The following GABRB1 variants were observed in gnomAD, a reference collection of about 807,000 sequenced individuals.
GABRB1 encodes gamma-aminobutyric acid type A receptor subunit beta1, also known as gamma-aminobutyric acid receptor subunit beta-1.
Under a neutral mutation model 51.6 loss-of-function variants are expected in GABRB1, and 17 were observed. That is an observed-to-expected ratio of 0.33 (90% CI 0.23 to 0.49). GABRB1 has a LOEUF of 0.49. Ranked by LOEUF, GABRB1 falls within the 20% of genes least tolerant of loss-of-function variation. GABRB1 has a pLI of 0.99. For missense variants in GABRB1, 410 were observed against 600.6 expected, an observed-to-expected ratio of 0.68 and a Z score of 3.32; for synonymous variants, 247 against 218.9, an observed-to-expected ratio of 1.13 and a Z score of -1.14.
intron 4 of GABRB1, among the ~76,000 whole-genome samples, chr4:47,178,712 A>G (rs1718807706): frequency 6.6e-6 from 1 of 152,156 alleles, no homozygotes; most frequent in African/African-American, 2.4e-5. Flanking sequence ...GAGTCTTTGA[A>G]GATCAGCCTT....
At chr4:47,142,124 G>A (rs1716964666) in intron 3 of GABRB1, among the ~76,000 whole-genome samples, 1 of 151,830 alleles carries the variant, frequency 6.6e-6, no homozygotes, top group African/African-American at 2.4e-5. Flanking sequence ...ATAAAGGTAA[G>A]CCGAGGGTGC....
At chr4:47,218,155 A>G (rs1720629745) in intron 4 of GABRB1, among the ~76,000 whole-genome samples, 1 of 151,830 alleles carries the variant, frequency 6.6e-6, no homozygotes, top group African/African-American at 2.4e-5. Flanking sequence ...TGTTGCTGCA[A>G]ATGACAGGAT....
intron 4 of GABRB1, among the ~76,000 whole-genome samples, chr4:47,175,019 T>G (rs1376817462): frequency 2.2e-5 from 3 of 137,918 alleles, no homozygotes; most frequent in Non-Finnish European, 4.8e-5. Flanking sequence ...TCTTCCTTCT[T>G]TCTTCCTTCC....
intron 5 of GABRB1, among the ~76,000 whole-genome samples, chr4:47,339,823 G>GCACACACA (rs150988131): frequency 0.035 from 5,000 of 141,900 alleles, 102 homozygotes; most frequent in Middle Eastern, 0.063. Context: ...ATAAATAAAT[G>GCACACACA]CACACACACA....
intron 4 of GABRB1, among the ~76,000 whole-genome samples, chr4:47,287,817 A>G (rs541583057): frequency 6.6e-6 from 1 of 152,328 alleles, no homozygotes; most frequent in African/African-American, 2.4e-5. Context: ...ACATGCCTAT[A>G]TGACAAGAAA....
chr4:47,057,363 T>G (rs1362723835), intron 3 of GABRB1, among the ~76,000 whole-genome samples: 1 of 152,220 alleles, frequency 6.6e-6, no homozygotes, highest in African/African-American at 2.4e-5. Context: ...TGAATTTTGA[T>G]TAATATTATT....
At chr4:47,294,430 A>C (rs764089226) in intron 4 of GABRB1, among the ~76,000 whole-genome samples, 37 of 152,346 alleles carry the variant, frequency 2.4e-4, no homozygotes, top group Middle Eastern at 6.8e-3. Context: ...CGACAGGCTT[A>C]AAAAACGGCG....
At chr4:47,339,255 A>G (rs1016166410) in intron 5 of GABRB1, among the ~76,000 whole-genome samples, 13 of 152,182 alleles carry the variant, frequency 8.5e-5, no homozygotes, top group Non-Finnish European at 4.4e-5. Context: ...TGTTTTGGAT[A>G]GGGAAGTTAT....
chr4:47,261,539 A>G (rs1473904124), intron 4 of GABRB1, among the ~76,000 whole-genome samples: 6 of 152,188 alleles, frequency 3.9e-5, no homozygotes, highest in African/African-American at 1.4e-4. Flanking sequence ...AATGAAATAA[A>G]AGAGGATACA....
At chr4:47,041,431 TAGCTGTTAGCAATC>T (rs1725830112) in intron 3 of GABRB1, among the ~76,000 whole-genome samples, 1 of 152,004 alleles carries the variant, frequency 6.6e-6, no homozygotes, top group South Asian at 2.1e-4. Context: ...GGCCCTTAGG[TAGCTGTTAGCAATC>T]AGCTGTTCTT....
In GABRB1 at chr4:47,153,138, A is replaced by T. The variant is rs184742765; in HGVS notation, c.241-8111A>T. Among the ~76,000 whole-genome samples, 35 of 152,140 alleles carry T rather than the reference A, an allele frequency of 2.3e-4. No homozygotes were observed. The East Asian group carries it at 6.6e-3, about 29-fold the overall frequency. On this transcript the variant is annotated intron_variant, in intron 3 of 8. Transcript: ENST00000295454. ...AAATAAGCAGTGCTAAGTCTCCCCC[A>T]CTAGCCTATGAGTTCCTTGAGGCAG...
chr4:47,039,133 C>T (rs1045188472), intron 3 of GABRB1, among the ~76,000 whole-genome samples: 13 of 151,790 alleles, frequency 8.6e-5, no homozygotes, highest in African/African-American at 3.1e-4. Context: ...ATAAAAAAGG[C>T]TGGCCACAAG....
At chr4:47,249,283 G>A (rs1200862239) in intron 4 of GABRB1, among the ~76,000 whole-genome samples, 2 of 152,088 alleles carry the variant, frequency 1.3e-5, no homozygotes, top group East Asian at 1.9e-4. Flanking sequence ...TCATTCAGAA[G>A]CAGGTTATTT....
At chr4:47,081,212 T>C (rs1727828086) in intron 3 of GABRB1, among the ~76,000 whole-genome samples, 1 of 152,128 alleles carries the variant, frequency 6.6e-6, no homozygotes, top group Non-Finnish European at 1.5e-5. Flanking sequence ...GATTTTCCCA[T>C]TCCCAAATAA....
At chr4:47,228,831 C>T (rs1293677919) in intron 4 of GABRB1, among the ~76,000 whole-genome samples, 1 of 152,068 alleles carries the variant, frequency 6.6e-6, no homozygotes. Context: ...TTGGGCCTGG[C>T]TTCACTTAAC....
chr4:47,189,401 T>TAGAATATA (rs1487063474), intron 4 of GABRB1, among the ~76,000 whole-genome samples: 1 of 151,790 alleles, frequency 6.6e-6, no homozygotes, highest in Non-Finnish European at 1.5e-5. Context: ...ATATGGAGGA[T>TAGAATATA]AGAATATAAG....
At chr4:47,027,330 A>T (rs889634158), upstream of GABRB1, among the ~76,000 whole-genome samples, 1 of 151,664 alleles carries the variant, frequency 6.6e-6, no homozygotes, top group African/African-American at 2.4e-5. Flanking sequence ...TGCAATATGA[A>T]TTTTTAAATA....
intron 5 of GABRB1, among the ~76,000 whole-genome samples, chr4:47,364,233 C>T (rs1042579914): frequency 2.6e-5 from 4 of 152,154 alleles, no homozygotes; most frequent in African/African-American, 7.2e-5. Flanking sequence ...TCTCAGTTAA[C>T]TGAGAGGCCA....
intron 4 of GABRB1, among the ~76,000 whole-genome samples, chr4:47,304,005 A>T (rs1404620142): frequency 1.3e-5 from 2 of 152,014 alleles, no homozygotes; most frequent in Non-Finnish European, 2.9e-5. Flanking sequence ...CTTCTTTAAG[A>T]CTGAATAGTA....
Sources: allele counts gnomAD v4.1 joint callset (sites outside exome capture counted in the v4.1 genomes callset), GRCh38; gene constraint gnomAD v4.1.1; transcripts MANE v1.5; gene names NCBI Gene and HGNC (gene_info 2026-07-23, HGNC 2026-07-21).